XDH: variants seen among roughly 807,000 people sequenced by gnomAD.
XDH encodes the protein xanthine dehydrogenase/oxidase.
Under a neutral mutation model 156.1 loss-of-function variants are expected in XDH, and 138 were observed. That is an observed-to-expected ratio of 0.88 (90% CI 0.77 to 1.02). The LOEUF (loss-of-function observed/expected upper bound fraction) is 1.02. Ranked by LOEUF, XDH falls within the 50% of genes least tolerant of loss-of-function variation. The pLI is 0.00. For missense variants in XDH, 1,849 were observed against 1,684.9 expected (o/e 1.10, Z -1.71); for synonymous variants, 669 against 625.7 (o/e 1.07, Z -1.03).
chr2:31,401,388 T>C, intron 3 of XDH, 60 bp from the exon 4 acceptor site: 1 of 1,563,928 alleles, frequency 6.4e-7, no homozygotes, highest in Non-Finnish European at 8.8e-7. Flanking sequence ...AGAATGGGCC[T>C]GACTGTGAGC....
chr2:31,334,799 C>T lies in XDH; in HGVS notation c.*1159G>A, dbSNP rs1684932410. The T allele has an allele frequency of 6.6e-6, 1 of 152,146 alleles. No individual in the cohort carries two copies. The highest frequency in any genetic ancestry group is 6.5e-5 in the Admixed American group (1 of 15,276). 9.4% of individuals were successfully genotyped at this position (152,146 alleles called of 1,614,324 possible). ...AAAGATAGAGACAGAAGAGACAGAGCTAGGATGAGAACCCAGGCTTCTTGG... is the reference window on the plus strand; with the variant it reads ...AAAGATAGAGACAGAAGAGACAGAGTTAGGATGAGAACCCAGGCTTCTTGG... On this transcript the variant is annotated 3_prime_UTR_variant, in exon 36 of 36. Coordinates refer to ENST00000379416, the MANE Select transcript of XDH (RefSeq NM_000379.4).
chr2:31,372,250 T>C lies in XDH; in HGVS notation c.1834A>G (p.Thr612Ala). ...NELSLRLVTS[T>A]RAHAKIKSID... Reference sequence around the variant, plus strand: ...CACTTGATCTTGGCGTGGGCCCGGGTGCTGGTGACCAGCCGGAGAGACAGC... The same window carrying C: ...CACTTGATCTTGGCGTGGGCCCGGGCGCTGGTGACCAGCCGGAGAGACAGC... The change falls in exon 17 of 36, where the codon ACC becomes GCC. Residue 612 changes from threonine (T) to alanine (A), a missense_variant. Thr to Ala is a moderately conservative substitution (Grantham distance 58). Transcript: ENST00000379416. The C allele has an allele frequency of 3.1e-6, 5 of 1,614,188 alleles. No homozygotes were observed. The highest frequency in any genetic ancestry group is 4.2e-6 in the Non-Finnish European group (5 of 1,180,020).
At chr2:31,339,095 T>C (rs1334941282) in intron 34 of XDH, among the ~76,000 whole-genome samples, 1 of 152,084 alleles carries the variant, frequency 6.6e-6, no homozygotes, top group Non-Finnish European at 1.5e-5. Context: ...TGCTATCCCA[T>C]TGGCAGTGAA....
At chr2:31,364,365 T>C in intron 23 of XDH, 121 bp from the exon 24 acceptor site, 1 of 1,018,442 alleles carries the variant, frequency 9.8e-7, no homozygotes, top group Admixed American at 2.0e-5. Context: ...CACCACATCA[T>C]CCCGTGAAAA....
chr2:31,336,295 G>C (rs2148746153), intron 35 of XDH, among the ~76,000 whole-genome samples: 1 of 152,320 alleles, frequency 6.6e-6, no homozygotes, highest in East Asian at 1.9e-4. Context: ...TCCTTAAAAA[G>C]TTCATAGAAT....
At chr2:31,346,743 C>T (rs763348471) in intron 30 of XDH, 26 bp downstream of exon 30, 7 of 1,613,922 alleles carry the variant, frequency 4.3e-6, no homozygotes, top group East Asian at 4.5e-5. Context: ...CCTTTGCAAA[C>T]GTGACTTGGA....
intron 2 of XDH, among the ~76,000 whole-genome samples, chr2:31,404,478 T>C (rs1572570814): frequency 6.6e-6 from 1 of 152,330 alleles, no homozygotes; most frequent in African/African-American, 2.4e-5. Context: ...AGCTGCAAGG[T>C]CATCCTACTT....
At chr2:31,357,133 T>TA (rs1685646024) in intron 24 of XDH, among the ~76,000 whole-genome samples, 1 of 151,976 alleles carries the variant, frequency 6.6e-6, no homozygotes, top group Admixed American at 6.6e-5. Flanking sequence ...TTGAATACAT[T>TA]AAAAAAGAGG....
intron 35 of XDH, among the ~76,000 whole-genome samples, chr2:31,337,349 C>A (rs544329008): frequency 6.6e-6 from 1 of 152,312 alleles, no homozygotes; most frequent in East Asian, 1.9e-4. Context: ...ATCCATCATC[C>A]TTATCTAGAT....
intron 24 of XDH, among the ~76,000 whole-genome samples, chr2:31,358,253 A>G (rs1685679174): frequency 6.6e-6 from 1 of 152,246 alleles, no homozygotes; most frequent in African/African-American, 2.4e-5. Flanking sequence ...ATCAGACCAC[A>G]GTGCAATTTA....
At chr2:31,340,081 T>A (rs2148748883) in intron 33 of XDH, among the ~76,000 whole-genome samples, 1 of 152,348 alleles carries the variant, frequency 6.6e-6, no homozygotes, top group South Asian at 2.1e-4. Context: ...CACCCCTGCC[T>A]GTCCTCTGGG....
intron 15 of XDH, among the ~76,000 whole-genome samples, chr2:31,374,235 A>C (rs1686163322): frequency 6.6e-6 from 1 of 152,144 alleles, no homozygotes; most frequent in African/African-American, 2.4e-5. Flanking sequence ...TCCTTCTTGC[A>C]TTTATGCCTG....
In XDH at chr2:31,403,006, C is replaced by T. The variant is rs751174933; in HGVS notation, c.197+42G>A. The T allele has an allele frequency of 5.0e-6, 8 of 1,609,502 alleles. No individual in the cohort carries two copies. In the East Asian group the frequency reaches 6.7e-5, roughly 13 times the overall value. The stretch of plus-strand genomic sequence containing the variant: ...ACTCCCTCACAAGCTGGTCCTGCAT[C>T]GCAGCCCCCATGTGGGTGGTCAGCC... On this transcript the variant is annotated intron_variant, in intron 3 of 35. Transcript: ENST00000379416.
chr2:31,358,108 A>C (rs189639088), intron 24 of XDH, among the ~76,000 whole-genome samples: 2 of 152,268 alleles, frequency 1.3e-5, no homozygotes, highest in East Asian at 3.9e-4. Flanking sequence ...ACATCTACAG[A>C]ACTCTTCACC....
At position 31,335,904 on chromosome 2, in the gene XDH, T is replaced by TG; in HGVS notation, c.*53dup. ...TCCATGTTCTGTGGTATGTTCCTCCTGCTCCATGGAAGCCCAAAGGCAGCA... is the reference window on the plus strand; with the variant it reads ...TCCATGTTCTGTGGTATGTTCCTCCTGGCTCCATGGAAGCCCAAAGGCAGCA... On this transcript the variant is annotated 3_prime_UTR_variant, in exon 36 of 36. Transcript: ENST00000379416. 6.3e-7 allele frequency: 1 copy of TG among 1,581,122 alleles called. No individual in the cohort carries two copies. Among genetic ancestry groups the TG allele is most frequent in the Non-Finnish European group, 8.7e-7 (1 of 1,149,898 alleles).
Position 31,350,201 on chromosome 2 carries a change from T to G in XDH, c.2654A>C (p.His885Pro), listed in dbSNP as rs749555416. ...SQSIMERALF[H>P]MDNCYKIPNI... is the part of the protein sequence containing the mutation. ...GGGGATTTTATAGCAGTTGTCCATG[T>G]GGAATAAAGCTCGTTCCATAATCTG... The change falls in exon 25 of 36, where the codon CAC becomes CCC. Residue 885 changes from histidine to proline, a missense_variant. His to Pro is a moderately conservative substitution (Grantham distance 77). Coordinates refer to ENST00000379416, the MANE Select transcript of XDH (RefSeq NM_000379.4). 27 of 1,613,952 alleles carry G rather than the reference T, an allele frequency of 1.7e-5. No homozygotes were observed. The highest frequency in any genetic ancestry group is 2.3e-5 in the Non-Finnish European group (27 of 1,180,020).
rs1686327912 is a variant in XDH, at chr2:31,378,186, G to GTT, written c.1243-950_1243-949insAA. On this transcript the variant is annotated intron_variant, in intron 13 of 35. Coordinates refer to ENST00000379416, the MANE Select transcript of XDH (RefSeq NM_000379.4). ...AGGAAGGAAGGAAGGAAGCAAGCAAGCAAGCAAAGCAAGAAAGCAAGCAAG... is the reference window on the plus strand; with the variant it reads ...AGGAAGGAAGGAAGGAAGCAAGCAAGTTCAAGCAAAGCAAGAAAGCAAGCAAG... 2.3e-5 allele frequency among the ~76,000 whole-genome samples: 2 copies of GTT among 88,884 alleles called. 1 individual carries two copies. The highest frequency in any genetic ancestry group is 8.3e-5 in the African/African-American group (2 of 24,022). 58.3% of individuals were successfully genotyped at this position (88,884 alleles called of 152,430 possible).
At chr2:31,357,427 A>G (rs1371616897) in intron 24 of XDH, among the ~76,000 whole-genome samples, 2 of 152,306 alleles carry the variant, frequency 1.3e-5, no homozygotes, top group East Asian at 1.9e-4. Context: ...CCCTGAAGAC[A>G]TCAAAAGAGA....
chr2:31,339,181 C>T lies in XDH; in HGVS notation c.3774+308G>A, dbSNP rs145363267. Among the ~76,000 whole-genome samples, 19 of 152,242 alleles carry T rather than the reference C, an allele frequency of 1.2e-4. No individual in the cohort carries two copies. The East Asian group carries it at 2.9e-3, about 23-fold the overall frequency. On this transcript the variant is annotated intron_variant, in intron 34 of 35. Coordinates refer to ENST00000379416, the MANE Select transcript of XDH (RefSeq NM_000379.4). Reference sequence around the variant, plus strand: ...CTTAGGATCAAGCACCAGTGACGTACGCCTGAGATATGGGTGTGGGCCAGG... The same window carrying T: ...CTTAGGATCAAGCACCAGTGACGTATGCCTGAGATATGGGTGTGGGCCAGG...
Sources: gnomAD v4.1 joint callset for allele counts (sites outside exome capture counted in the v4.1 genomes callset) on GRCh38, gnomAD v4.1.1 for gene constraint, MANE v1.5 for transcripts, NCBI Gene and HGNC (gene_info 2026-07-23, HGNC 2026-07-21) for gene names.